The following RCAN1 variants were observed in gnomAD, a reference collection of about 807,000 sequenced individuals.
The protein encoded by RCAN1 is regulator of calcineurin 1.
In RCAN1, 11 loss-of-function variants were observed where a neutral mutation model predicts 22.9. The observed-to-expected ratio is 0.48, with a 90% CI of 0.30 to 0.79. The LOEUF is 0.79. Ranked by LOEUF, RCAN1 falls within the 30% of genes least tolerant of loss-of-function variation. RCAN1 has a pLI of 0.06. For missense variants in RCAN1, 291 were observed against 337.8 expected (o/e 0.86, Z 1.09); for synonymous variants, 136 against 142.3 (o/e 0.96, Z 0.32).
intron 1 of RCAN1, chr21:34,560,302 G>A (rs907276236): frequency 2.6e-5 from 4 of 152,138 alleles, no homozygotes; most frequent in South Asian, 2.1e-4. Flanking sequence ...TAAAAGCTTC[G>A]GACAGGTGGC....
At chr21:34,583,097 T>A (rs1987672510) in intron 1 of RCAN1, among the ~76,000 whole-genome samples, 1 of 152,006 alleles carries the variant, frequency 6.6e-6, no homozygotes, top group Non-Finnish European at 1.5e-5. Flanking sequence ...TATGTTCATG[T>A]CCTTCACTCC....
At chr21:34,521,852 G>C (rs1984584709) in intron 2 of RCAN1, 194 bp from the exon 3 acceptor site, 1 of 573,064 alleles carries the variant, frequency 1.7e-6, no homozygotes, top group East Asian at 2.9e-5. Flanking sequence ...TTGTGGCACA[G>C]ATAGGATGAC....
intron 1 of RCAN1, among the ~76,000 whole-genome samples, chr21:34,582,551 T>C (rs1785308193): frequency 6.6e-6 from 1 of 152,026 alleles, no homozygotes. Context: ...ATGGGAGCAG[T>C]AGCAGCAAGG....
At chr21:34,573,702 T>TCC in intron 1 of RCAN1, among the ~76,000 whole-genome samples, 1 of 152,336 alleles carries the variant, frequency 6.6e-6, no homozygotes, top group Non-Finnish European at 1.5e-5. Flanking sequence ...ATCTGGACTC[T>TCC]TTCTTGGTCC....
At chr21:34,611,614 T>TGGCTAA (rs1384145557) in intron 1 of RCAN1, among the ~76,000 whole-genome samples, 2 of 152,176 alleles carry the variant, frequency 1.3e-5, no homozygotes, top group African/African-American at 2.4e-5. Flanking sequence ...TCCAACAGAC[T>TGGCTAA]GGCTAAGGAG....
chr21:34,566,959 C>A (rs1204140893), intron 1 of RCAN1, among the ~76,000 whole-genome samples: 3 of 152,108 alleles, frequency 2.0e-5, no homozygotes, highest in Non-Finnish European at 4.4e-5. Context: ...ACCCCCTTGA[C>A]CCAAACATCT....
At chr21:34,580,422 C>G (rs1250173859) in intron 1 of RCAN1, among the ~76,000 whole-genome samples, 3 of 152,188 alleles carry the variant, frequency 2.0e-5, no homozygotes, top group African/African-American at 7.2e-5. Context: ...AAGTATGAAT[C>G]CAGGCTTGCC....
At chr21:34,539,733 C>G (rs2123621647) in intron 1 of RCAN1, among the ~76,000 whole-genome samples, 1 of 152,314 alleles carries the variant, frequency 6.6e-6, no homozygotes, top group Non-Finnish European at 1.5e-5. Flanking sequence ...TGCTCTGTAT[C>G]TGTTATGCAC....
intron 1 of RCAN1, among the ~76,000 whole-genome samples, chr21:34,596,829 C>T (rs1050607823): frequency 6.6e-6 from 1 of 152,188 alleles, no homozygotes; most frequent in African/African-American, 2.4e-5. Flanking sequence ...GAAAACTCAA[C>T]AACTGCACAG....
intron 1 of RCAN1, among the ~76,000 whole-genome samples, chr21:34,558,805 G>A (rs904096173): frequency 4.6e-5 from 7 of 152,066 alleles, no homozygotes; most frequent in Non-Finnish European, 5.9e-5. Context: ...CCTGGATCTC[G>A]CCCTGTCTGT....
At chr21:34,545,380 T>C (rs1213806866) in intron 1 of RCAN1, among the ~76,000 whole-genome samples, 1 of 152,172 alleles carries the variant, frequency 6.6e-6, no homozygotes, top group Non-Finnish European at 1.5e-5. Context: ...AGTGTGGGTG[T>C]CCACTGAAAA....
At chr21:34,579,386 C>G (rs1250080966) in intron 1 of RCAN1, among the ~76,000 whole-genome samples, 1 of 152,092 alleles carries the variant, frequency 6.6e-6, no homozygotes, top group Non-Finnish European at 1.5e-5. Context: ...CTGGGTGACA[C>G]AGCGAGAGTC....
intron 1 of RCAN1, among the ~76,000 whole-genome samples, chr21:34,548,827 C>G (rs1332146509): frequency 6.6e-6 from 1 of 152,154 alleles, no homozygotes; most frequent in Non-Finnish European, 1.5e-5. Flanking sequence ...CTAAATAAAA[C>G]TGTATTTCTT....
intron 1 of RCAN1, among the ~76,000 whole-genome samples, chr21:34,545,463 T>A (rs981063465): frequency 1.3e-5 from 2 of 152,162 alleles, no homozygotes; most frequent in African/African-American, 4.8e-5. Flanking sequence ...TGGTTTCTGA[T>A]GAAAAATGCT....
chr21:34,608,373 G>A (rs759219127), intron 1 of RCAN1, among the ~76,000 whole-genome samples: 4 of 152,040 alleles, frequency 2.6e-5, no homozygotes, highest in Non-Finnish European at 4.4e-5. Flanking sequence ...TTACCGACTC[G>A]CTTCTCAGGA....
chr21:34,565,977 C>T (rs779272592), intron 1 of RCAN1, among the ~76,000 whole-genome samples: 27 of 152,300 alleles, frequency 1.8e-4, no homozygotes, highest in Admixed American at 1.0e-3. Flanking sequence ...ACTACGTTCA[C>T]GCAGGAACAC....
At chr21:34,523,784 C>CA in intron 1 of RCAN1, 74 bp from the exon 2 acceptor site, 1 of 1,008,544 alleles carries the variant, frequency 9.9e-7, no homozygotes, top group Non-Finnish European at 1.4e-6. Context: ...GATGTCATTA[C>CA]TTTTTTTTTT....
At chr21:34,532,069 A>C (rs949302142) in intron 1 of RCAN1, among the ~76,000 whole-genome samples, 4 of 152,138 alleles carry the variant, frequency 2.6e-5, no homozygotes, top group African/African-American at 9.7e-5. Flanking sequence ...GCCAAGAAGC[A>C]GTGTCAGGGT....
At chr21:34,594,506 C>A (rs1348711204) in intron 1 of RCAN1, among the ~76,000 whole-genome samples, 1 of 152,072 alleles carries the variant, frequency 6.6e-6, no homozygotes, top group Non-Finnish European at 1.5e-5. Context: ...GAGCCAAGAT[C>A]GCGCCACTGC....
Sources: allele counts gnomAD v4.1 joint callset (sites outside exome capture counted in the v4.1 genomes callset), GRCh38; gene constraint gnomAD v4.1.1; transcripts MANE v1.5; gene names NCBI Gene and HGNC (gene_info 2026-07-23, HGNC 2026-07-21).